The following USH2A variants were observed in gnomAD, a reference collection of about 807,000 sequenced individuals.
USH2A encodes usherin.
USH2A carries 443 observed loss-of-function variants against 538.9 expected under a neutral mutation model. The ratio of observed to expected loss-of-function variants is 0.82; its 90% CI spans 0.76 to 0.89. The LOEUF is 0.89. USH2A is among the 40% of genes least tolerant of loss of function. USH2A has a pLI of 0.00. For synonymous variants in USH2A, 2,413 were observed against 2,273.5 expected, an observed-to-expected ratio of 1.06 and a Z score of -1.75; for missense variants, 6,633 against 6,324.8, an observed-to-expected ratio of 1.05 and a Z score of -1.65.
intron 55 of USH2A, 56 bp downstream of exon 55, chr1:215,779,787 C>A (rs41313726): frequency 7.5e-6 from 12 of 1,601,116 alleles, no homozygotes; most frequent in Non-Finnish European, 1.0e-5. Flanking sequence ...GCTTTGCCCC[C>A]CTAACCACAA....
Position 216,256,573 on chromosome 1 carries a change from C to T in USH2A, c.1972-5475G>A, listed in dbSNP as rs80210721. On this transcript the variant is annotated intron_variant, in intron 11 of 71. Transcript: ENST00000307340. Reference sequence around the variant, plus strand: ...GTCTACTTATAAAAGAATCTTCTTCCACCTCTGCCAGCCATGAGGCCACAA... The same window carrying T: ...GTCTACTTATAAAAGAATCTTCTTCTACCTCTGCCAGCCATGAGGCCACAA... Among the ~76,000 whole-genome samples, 8 of 152,012 alleles carry T rather than the reference C, an allele frequency of 5.3e-5. No homozygotes were observed. In the East Asian group the frequency reaches 1.5e-3, roughly 29 times the overall value.
At chr1:216,197,003 G>A (rs1393593392) in intron 18 of USH2A, among the ~76,000 whole-genome samples, 1 of 152,106 alleles carries the variant, frequency 6.6e-6, no homozygotes, top group Non-Finnish European at 1.5e-5. Context: ...TAGGAAAGTG[G>A]ATAGATAGGA....
intron 37 of USH2A, among the ~76,000 whole-genome samples, chr1:215,954,506 T>C (rs1354091617): frequency 7.3e-6 from 1 of 136,726 alleles, no homozygotes; most frequent in Non-Finnish European, 1.5e-5. Flanking sequence ...TAGGTGGGAA[T>C]TGAACAATGA....
chr1:216,183,533 G>A (rs1379424674), intron 20 of USH2A, among the ~76,000 whole-genome samples: 4 of 151,704 alleles, frequency 2.6e-5, no homozygotes, highest in Admixed American at 1.3e-4. Flanking sequence ...TTTAAGATGC[G>A]GCATATTGAG....
intron 3 of USH2A, among the ~76,000 whole-genome samples, chr1:216,411,550 G>A (rs1005835088): frequency 1.2e-4 from 18 of 152,260 alleles, no homozygotes; most frequent in African/African-American, 4.1e-4. Flanking sequence ...ACAGAGGCTG[G>A]AGTGATGTAG....
chr1:216,234,296 A>C (rs2035763702), intron 13 of USH2A, among the ~76,000 whole-genome samples: 1 of 152,278 alleles, frequency 6.6e-6, no homozygotes, highest in East Asian at 1.9e-4. Flanking sequence ...CATTGTGCTC[A>C]ATGAGAGGAA....
chr1:216,113,612 CTTA>C (rs1361982639), intron 21 of USH2A, among the ~76,000 whole-genome samples: 2 of 152,014 alleles, frequency 1.3e-5, no homozygotes, highest in African/African-American at 4.8e-5. Context: ...TTTGTGCATC[CTTA>C]TTATTGATCT....
At chr1:216,223,914 G>A (rs1484619706) in intron 14 of USH2A, among the ~76,000 whole-genome samples, 1 of 152,176 alleles carries the variant, frequency 6.6e-6, no homozygotes, top group East Asian at 1.9e-4. Context: ...GTGCTGAAAT[G>A]TAGAACATTT....
rs1039110594 is a variant in USH2A at position 216,282,071 on chromosome 1, C to T, written c.1971+7209G>A. Among the ~76,000 whole-genome samples the T allele has an allele frequency of 2.6e-5, 4 of 151,870 alleles. 1 individual carries two copies. Among genetic ancestry groups the T allele is most frequent in the Admixed American group, 2.6e-4 (4 of 15,234 alleles). ...TTGAGTTATTTGTCTTTTGATTATT[C>T]ACTTCAAGTTCTTCATATATACTAG... On this transcript the variant is annotated intron_variant, in intron 11 of 71. Transcript: ENST00000307340.
intron 61 of USH2A, among the ~76,000 whole-genome samples, chr1:215,726,137 G>A (rs1176817681): frequency 6.6e-6 from 1 of 152,004 alleles, no homozygotes; most frequent in African/African-American, 2.4e-5. Context: ...TATTAACAAG[G>A]GTGTTTCAGT....
intron 14 of USH2A, among the ~76,000 whole-genome samples, chr1:216,226,521 G>A (rs1348126310): frequency 1.3e-5 from 2 of 152,134 alleles, no homozygotes; most frequent in Non-Finnish European, 2.9e-5. Context: ...AACTCACTTG[G>A]ACTAGAACCA....
At chr1:215,818,959 A>G (rs2102798221) in intron 47 of USH2A, among the ~76,000 whole-genome samples, 1 of 151,924 alleles carries the variant, frequency 6.6e-6, no homozygotes, top group South Asian at 2.1e-4. Context: ...AGGTAAATAT[A>G]AAAATTATAA....
intron 37 of USH2A, among the ~76,000 whole-genome samples, chr1:215,960,037 G>C (rs974436424): frequency 2.0e-5 from 3 of 152,130 alleles, no homozygotes; most frequent in Non-Finnish European, 4.4e-5. Flanking sequence ...TCAGTGTGAA[G>C]AATCCAAGGG....
rs17026221 is a variant in USH2A, at chr1:216,172,763, C to A, written c.4627+2489G>T. Among the ~76,000 whole-genome samples the A allele has an allele frequency of 2.3e-3, 345 of 152,184 alleles. 9 individuals carry two copies. The East Asian group carries it at 0.062, about 28-fold the overall frequency. ...GCCAACACTACTTGCTGTTTGTGAG[C>A]TGAAACTAACTGAAAGACAAATCCA... is the stretch of plus-strand genomic sequence containing the variant. On this transcript the variant is annotated intron_variant, in intron 21 of 71. Coordinates refer to ENST00000307340, the MANE Select transcript of USH2A (RefSeq NM_206933.4).
intron 38 of USH2A, among the ~76,000 whole-genome samples, chr1:215,928,769 A>G (rs1458202476): frequency 1.3e-5 from 2 of 152,126 alleles, no homozygotes; most frequent in African/African-American, 4.8e-5. Flanking sequence ...GAAATAATAC[A>G]GAATGGTTGT....
intron 21 of USH2A, among the ~76,000 whole-genome samples, chr1:216,112,765 T>G (rs1571971096): frequency 1.3e-5 from 2 of 152,226 alleles, no homozygotes; most frequent in South Asian, 4.1e-4. Context: ...CAGCTCTATG[T>G]TCCTGCAAAA....
At position 216,332,818 on chromosome 1, in the gene USH2A, AAT is replaced by A. The variant is rs535002587; in HGVS notation, c.785-5166_785-5165del. On this transcript the variant is annotated intron_variant, in intron 4 of 71. Transcript: ENST00000307340. ...AGCCACTAAACAAGCAAACAGTAGT[AAT>A]AGTGACAAATAGCAGCAACAAAACA... Among the ~76,000 whole-genome samples the A allele has an allele frequency of 1.1e-4, 16 of 152,298 alleles. No individual in the cohort carries two copies. In the South Asian group the frequency reaches 1.2e-3, roughly 12 times the overall value.
Position 215,647,650 on chromosome 1 carries a change from G to C in USH2A, c.14663C>G (p.Thr4888Arg). 6.2e-7 allele frequency: 1 copy of C among 1,614,162 alleles called. No individual in the cohort carries two copies. Among genetic ancestry groups the C allele is most frequent in the Non-Finnish European group, 8.5e-7 (1 of 1,180,016 alleles). ...CTPSQIETKYTGLGQKASLGG... is the reference protein window; with the variant it reads ...CTPSQIETKYRGLGQKASLGG... ...AAGGCTGGCTTTCTGCCCCAGCCCC[G>C]TGTACTTTGTTTCTATTTGGCTGGG... Residue 4888 changes from threonine to arginine, a missense_variant, in exon 67 of 72, where the codon ACG becomes AGG. By Grantham distance (71) the Thr-to-Arg change is moderately conservative. Transcript: ENST00000307340.
At chr1:215,687,818 C>G (rs1041557784) in intron 61 of USH2A, among the ~76,000 whole-genome samples, 1 of 151,964 alleles carries the variant, frequency 6.6e-6, no homozygotes, top group Non-Finnish European at 1.5e-5. Flanking sequence ...TTATTTAAGC[C>G]TTGATTAAAC....
Sources: allele counts gnomAD v4.1 joint callset (sites outside exome capture counted in the v4.1 genomes callset), GRCh38; gene constraint gnomAD v4.1.1; transcripts MANE v1.5; gene names NCBI Gene and HGNC (gene_info 2026-07-23, HGNC 2026-07-21).